Variants in FBXO22 observed in about 807,000 individuals in gnomAD.
FBXO22 encodes the protein F-box only protein 22.
A neutral mutation model predicts 37.2 loss-of-function variants in FBXO22; 13 were observed. The observed-to-expected ratio is 0.35, with a 90% CI of 0.23 to 0.56. FBXO22 has a LOEUF of 0.56. FBXO22 is among the 20% of genes least tolerant of loss of function. The pLI is 0.87. For synonymous variants in FBXO22, 189 were observed against 189.1 expected (o/e 1.00, Z 0.00); for missense variants, 446 against 509.9 (o/e 0.87, Z 1.21).
rs1255376494 is a variant in FBXO22, at chr15:75,938,614, G to A, written c.*5512G>A. The A allele has an allele frequency of 1.3e-5, 2 of 152,142 alleles. No individual in the cohort carries two copies. The highest frequency in any genetic ancestry group is 2.9e-5 in the Non-Finnish European group (2 of 68,022). 9.4% of individuals were successfully genotyped at this position (152,142 alleles called of 1,614,324 possible). A position where few individuals can be genotyped will look rare whatever the true frequency, so the allele number is the denominator to read the frequency against. On this transcript the variant is annotated 3_prime_UTR_variant, in exon 7 of 7. Transcript: ENST00000308275. ...TATAAAAAAATTCTGGCAGAGAAAA[G>A]TATAATAAATGAAATTTTCACTACA...
intron 4 of FBXO22, among the ~76,000 whole-genome samples, chr15:75,915,960 A>G (rs1900173341): frequency 1.4e-5 from 2 of 146,136 alleles, no homozygotes; most frequent in Non-Finnish European, 3.0e-5. Flanking sequence ...AATTCCAGCT[A>G]CTTGGGAGGC....
rs1164673728 is a variant in FBXO22, at chr15:75,932,985, T to G, written c.1095T>G (p.Cys365Trp). Reference sequence around the variant, plus strand: ...TCTTTGGAAATGGAGAAATTGGATGTGATCGGATAGTCACTGGGAACTTTA... The same window carrying G: ...TCTTTGGAAATGGAGAAATTGGATGGGATCGGATAGTCACTGGGAACTTTA... ...FGFFGNGEIG[C>W]DRIVTGNFIL... Residue 365 changes from cysteine to tryptophan, a missense_variant, in exon 7 of 7, where the codon TGT (cysteine) becomes TGG (tryptophan). Coordinates refer to ENST00000308275, the MANE Select transcript of FBXO22 (RefSeq NM_147188.3). 1 of 1,614,126 alleles carries G rather than the reference T, an allele frequency of 6.2e-7. No homozygotes were observed. The highest frequency in any genetic ancestry group is 2.2e-5 in the East Asian group (1 of 44,900).
At chr15:75,925,858 C>A (rs970539902) in intron 5 of FBXO22, among the ~76,000 whole-genome samples, 5 of 151,930 alleles carry the variant, frequency 3.3e-5, no homozygotes, top group Non-Finnish European at 5.9e-5. Flanking sequence ...ATGAAAAATT[C>A]CTAAGAGGAT....
At chr15:75,920,144 A>G (rs772920950) in intron 5 of FBXO22, among the ~76,000 whole-genome samples, 4 of 152,248 alleles carry the variant, frequency 2.6e-5, no homozygotes, top group Non-Finnish European at 5.9e-5. Context: ...AAATGTGGCT[A>G]TGTGCTGAGC....
At position 75,933,779 on chromosome 15, in the gene FBXO22, C is replaced by T. The variant is rs2030155344; in HGVS notation, c.*677C>T. Reference sequence around the variant, plus strand: ...AACTAACTGGTAGACCAGAGTATTACATCATCTTATTTTGGTTTTATACCA... The same window carrying T: ...AACTAACTGGTAGACCAGAGTATTATATCATCTTATTTTGGTTTTATACCA... On this transcript the variant is annotated 3_prime_UTR_variant, in exon 7 of 7. Coordinates refer to ENST00000308275, the MANE Select transcript of FBXO22 (RefSeq NM_147188.3). 6.8e-6 allele frequency: 2 copies of T among 293,088 alleles called. No homozygotes were observed. The highest frequency in any genetic ancestry group is 2.3e-5 in the African/African-American group (1 of 43,088). 18.2% of individuals were successfully genotyped at this position (293,088 alleles called of 1,614,324 possible).
At chr15:75,932,652 C>T in intron 6 of FBXO22, 33 bp from the exon 7 acceptor site, 1 of 1,537,000 alleles carries the variant, frequency 6.5e-7, no homozygotes. Context: ...TTTAATGTTT[C>T]ATGAGATATT....
chr15:75,923,490 C>T (rs1016562284), intron 5 of FBXO22, among the ~76,000 whole-genome samples: 7 of 152,120 alleles, frequency 4.6e-5, no homozygotes, highest in Admixed American at 3.3e-4. Context: ...AGTTGGCCTT[C>T]CATATCCATG....
chr15:75,923,168 T>TA (rs1352646247), intron 5 of FBXO22, among the ~76,000 whole-genome samples: 1 of 152,192 alleles, frequency 6.6e-6, no homozygotes, highest in Non-Finnish European at 1.5e-5. Flanking sequence ...GCTAGGACCC[T>TA]AGTTTTGTCA....
chr15:75,908,915 GCTAT>G (rs1310830074), intron 2 of FBXO22, among the ~76,000 whole-genome samples: 1 of 152,198 alleles, frequency 6.6e-6, no homozygotes, highest in Non-Finnish European at 1.5e-5. Context: ...AGGCCATCAT[GCTAT>G]CTGTCTCTTT....
At position 75,913,299 on chromosome 15, in the gene FBXO22, C is replaced by T. The variant is rs541746699; in HGVS notation, c.367+9C>T. The T allele has an allele frequency of 5.1e-6, 8 of 1,577,664 alleles. No individual in the cohort carries two copies. The highest frequency in any genetic ancestry group is 1.4e-5 in the African/African-American group (1 of 73,584). ...TCGTGGCCATAAGAGAGGTAAATAT[C>T]AAAAGAAAAGCTTTTGCTTCTGTTT... On this transcript the variant is annotated intron_variant, in intron 3 of 6. Coordinates refer to ENST00000308275, the MANE Select transcript of FBXO22 (RefSeq NM_147188.3).
At chr15:75,922,521 G>T (rs1056383301) in intron 5 of FBXO22, among the ~76,000 whole-genome samples, 6 of 152,178 alleles carry the variant, frequency 3.9e-5, no homozygotes, top group Admixed American at 3.9e-4. Context: ...AGAAACACAG[G>T]CACAGAGCCA....
intron 4 of FBXO22, among the ~76,000 whole-genome samples, chr15:75,915,532 G>C (rs1281743470): frequency 6.6e-6 from 1 of 151,910 alleles, no homozygotes; most frequent in African/African-American, 2.4e-5. Context: ...TTAGGAGGCC[G>C]AGGCAGGCGG....
intron 5 of FBXO22, among the ~76,000 whole-genome samples, chr15:75,925,260 A>G (rs1423778500): frequency 6.6e-6 from 1 of 152,220 alleles, no homozygotes; most frequent in Non-Finnish European, 1.5e-5. Context: ...TTTTAGGAAT[A>G]AAACAATACG....
intron 4 of FBXO22, among the ~76,000 whole-genome samples, chr15:75,915,277 T>C (rs752330376): frequency 8.5e-5 from 13 of 152,090 alleles, no homozygotes; most frequent in African/African-American, 2.7e-4. Flanking sequence ...GCTGCTGTTA[T>C]GTTTTTTTGT....
chr15:75,907,849 A>C (rs780571661), intron 2 of FBXO22, among the ~76,000 whole-genome samples: 2 of 152,164 alleles, frequency 1.3e-5, no homozygotes, highest in Non-Finnish European at 2.9e-5. Context: ...TAGCTGAGGT[A>C]CCAGAATCGC....
intron 5 of FBXO22, among the ~76,000 whole-genome samples, chr15:75,925,450 A>G (rs550623070): frequency 3.3e-4 from 2 of 5,984 alleles, no homozygotes; most frequent in South Asian, 0.1. Flanking sequence ...GCCAGCCACC[A>G]AGAGGGGTAA....
At chr15:75,908,181 G>A (rs942768619) in intron 2 of FBXO22, among the ~76,000 whole-genome samples, 1 of 152,058 alleles carries the variant, frequency 6.6e-6, no homozygotes, top group Non-Finnish European at 1.5e-5. Context: ...TTGTTCAGGA[G>A]TAAGAAACCT....
At position 75,930,241 on chromosome 15, in the gene FBXO22, T is replaced by TTA. The variant is rs1299413336; in HGVS notation, c.794+200_794+201dup. On this transcript the variant is annotated intron_variant, in intron 6 of 6. Transcript: ENST00000308275. ...TGCTTACGGTTGAATAATTACATTTTTATATATATTGTCCTTCAAGAACTT... is the reference window on the plus strand; with the variant it reads ...TGCTTACGGTTGAATAATTACATTTTTATATATATATTGTCCTTCAAGAACTT... 4 of 1,432,388 alleles carry TTA rather than the reference T, an allele frequency of 2.8e-6. No individual in the cohort carries two copies. The African/African-American group carries it at 4.3e-5, about 15-fold the overall frequency. The allele number at this position is 1,432,388 out of a possible 1,614,324, so 88.7% of individuals were successfully genotyped here.
rs1229438789 is a variant in FBXO22 at position 75,936,184 on chromosome 15, C to T, written c.*3082C>T. On this transcript the variant is annotated 3_prime_UTR_variant, in exon 7 of 7. Coordinates refer to ENST00000308275, the MANE Select transcript of FBXO22 (RefSeq NM_147188.3). ...CCAGTCTGGCCCAGGTTTGCACTGCCATAAATTCAGTTTTAATGGGAACAG... is the reference window on the plus strand; with the variant it reads ...CCAGTCTGGCCCAGGTTTGCACTGCTATAAATTCAGTTTTAATGGGAACAG... The T allele has an allele frequency of 6.6e-6, 1 of 152,154 alleles. No individual in the cohort carries two copies. Among genetic ancestry groups the T allele is most frequent in the Non-Finnish European group, 1.5e-5 (1 of 68,036 alleles). 9.4% of individuals were successfully genotyped at this position (152,154 alleles called of 1,614,324 possible).
Sources: gnomAD v4.1 joint callset for allele counts (sites outside exome capture counted in the v4.1 genomes callset) on GRCh38, gnomAD v4.1.1 for gene constraint, MANE v1.5 for transcripts, NCBI Gene and HGNC (gene_info 2026-07-23, HGNC 2026-07-21) for gene names.